Variants in TDRP observed in about 807,000 individuals in gnomAD.
TDRP encodes testis development-related protein.
Under a neutral mutation model 10.5 loss-of-function variants are expected in TDRP, and 12 were observed. That is an observed-to-expected ratio of 1.15 (90% CI 0.73 to 1.86). The LOEUF is 1.86. Ranked by LOEUF, TDRP falls within the 40% of genes most tolerant of loss-of-function variation. TDRP has a pLI of 0.00. For missense variants in TDRP, 353 were observed against 229.2 expected (o/e 1.54, Z -3.49); for synonymous variants, 139 against 95.4 (o/e 1.46, Z -2.67).
At chr8:498,221 A>T (rs1337118747) in intron 1 of TDRP, among the ~76,000 whole-genome samples, 1 of 152,174 alleles carries the variant, frequency 6.6e-6, no homozygotes, top group African/African-American at 2.4e-5. Context: ...AAAAAGCCAC[A>T]GGCACTCAAT....
At chr8:510,439 T>C (rs1478089444) in intron 1 of TDRP, among the ~76,000 whole-genome samples, 1 of 152,222 alleles carries the variant, frequency 6.6e-6, no homozygotes, top group Non-Finnish European at 1.5e-5. Context: ...ATGTAATCTT[T>C]ATTATACCAA....
chr8:529,031 G>C (rs1485908341), intron 1 of TDRP, among the ~76,000 whole-genome samples: 5 of 152,106 alleles, frequency 3.3e-5, no homozygotes, highest in Admixed American at 2.0e-4. Flanking sequence ...ATATAGGCTG[G>C]GAGGCTAGGC....
In TDRP at chr8:494,486, T is replaced by C. The variant is rs1244304339; in HGVS notation, c.212+8A>G. On this transcript the variant is annotated splice_region_variant and intron_variant, in intron 2 of 2. Transcript: ENST00000324079. ...AAATGATCATTTTCTTACACAGTTA[T>C]GACTTACCCTTTGGACTTGGGAGAT... is the stretch of plus-strand genomic sequence containing the variant. The C allele has an allele frequency of 1.9e-6, 3 of 1,612,612 alleles. No individual in the cohort carries two copies. Among genetic ancestry groups the C allele is most frequent in the Non-Finnish European group, 2.5e-6 (3 of 1,178,696 alleles).
At chr8:527,742 C>T (rs1802071119) in intron 1 of TDRP, among the ~76,000 whole-genome samples, 2 of 152,084 alleles carry the variant, frequency 1.3e-5, no homozygotes, top group African/African-American at 4.8e-5. Context: ...TCTCACCATA[C>T]ACACACACAA....
chr8:524,654 A>C lies in TDRP; in HGVS notation c.108+19996T>G, dbSNP rs1421018101. On this transcript the variant is annotated intron_variant, in intron 1 of 2. Transcript: ENST00000324079. ...AATTCTGAAAAATTTACAAGCTAAAAAATTAAACTGACATATGAAGAATGC... is the reference window on the plus strand; with the variant it reads ...AATTCTGAAAAATTTACAAGCTAAACAATTAAACTGACATATGAAGAATGC... Among the ~76,000 whole-genome samples, 3 of 152,156 alleles carry C rather than the reference A, an allele frequency of 2.0e-5. No homozygotes were observed. In the East Asian group the frequency reaches 5.8e-4, roughly 29 times the overall value.
intron 1 of TDRP, among the ~76,000 whole-genome samples, chr8:505,527 G>C (rs780686339): frequency 5.9e-5 from 9 of 152,218 alleles, no homozygotes; most frequent in Non-Finnish European, 1.3e-4. Context: ...AAGGTTGCTA[G>C]AAATACCTCA....
intron 1 of TDRP, among the ~76,000 whole-genome samples, chr8:542,990 T>A (rs1934500514): frequency 1.3e-5 from 2 of 151,298 alleles, no homozygotes; most frequent in South Asian, 2.1e-4. Context: ...CTTCTACTTT[T>A]CCGCATGTTA....
Position 491,802 on chromosome 8 carries a change from C to A in TDRP, c.*597G>T, listed in dbSNP as rs917698598. The A allele has an allele frequency of 4.0e-6, 5 of 1,256,708 alleles. No individual in the cohort carries two copies. In the South Asian group the frequency reaches 9.7e-5, roughly 24 times the overall value. The allele number at this position is 1,256,708 out of a possible 1,614,324, so 77.8% of individuals were successfully genotyped here. A position where few individuals can be genotyped will look rare whatever the true frequency, so the allele number is the denominator to read the frequency against. ...AGTGGACATACAAGAAGCTATTCCT[C>A]CCTCAGCAAAAGATGAACATGCATT... On this transcript the variant is annotated 3_prime_UTR_variant, in exon 3 of 3. Transcript: ENST00000324079.
At chr8:519,994 C>G (rs372920472) in intron 1 of TDRP, among the ~76,000 whole-genome samples, 6 of 152,074 alleles carry the variant, frequency 3.9e-5, no homozygotes, top group African/African-American at 1.4e-4. Flanking sequence ...GCGTGTAAGG[C>G]ACAGAATGGG....
chr8:494,368 G>T (rs887982074), intron 2 of TDRP, 126 bp downstream of exon 2: 21 of 805,818 alleles, frequency 2.6e-5, no homozygotes, highest in Non-Finnish European at 3.8e-5. Flanking sequence ...AGGGAAACAT[G>T]GACTCGCCGC....
intron 1 of TDRP, 112 bp downstream of exon 1, chr8:544,538 C>G: frequency 1.4e-6 from 1 of 718,484 alleles, no homozygotes; most frequent in Non-Finnish European, 1.9e-6. Context: ...CTCACCTGCC[C>G]GCCCAAACTG....
At chr8:492,850 G>A in intron 2 of TDRP, 106 bp from the exon 3 acceptor site, 1 of 865,712 alleles carries the variant, frequency 1.2e-6, no homozygotes, top group Non-Finnish European at 1.7e-6. Flanking sequence ...AAATTGTTTA[G>A]AAAACTAACA....
At chr8:521,004 C>T (rs952756798) in intron 1 of TDRP, among the ~76,000 whole-genome samples, 3 of 152,098 alleles carry the variant, frequency 2.0e-5, no homozygotes, top group African/African-American at 7.2e-5. Flanking sequence ...AAATCATTGC[C>T]AAATCCAATG....
chr8:536,352 A>T (rs966737953), intron 1 of TDRP, among the ~76,000 whole-genome samples: 1 of 152,236 alleles, frequency 6.6e-6, no homozygotes, highest in Non-Finnish European at 1.5e-5. Context: ...GTTGGCATTC[A>T]CTAAAAACAC....
chr8:539,664 C>A (rs940771429), intron 1 of TDRP, among the ~76,000 whole-genome samples: 2 of 152,194 alleles, frequency 1.3e-5, no homozygotes, highest in East Asian at 3.9e-4. Flanking sequence ...GTTAGCTATA[C>A]AAGCAGGGAG....
At chr8:533,672 C>A (rs145333612) in intron 1 of TDRP, among the ~76,000 whole-genome samples, 1 of 152,266 alleles carries the variant, frequency 6.6e-6, no homozygotes, top group East Asian at 1.9e-4. Flanking sequence ...AGAAATGAAG[C>A]CTCCACTCCT....
intron 1 of TDRP, among the ~76,000 whole-genome samples, chr8:495,765 A>G (rs1011996024): frequency 2.0e-5 from 3 of 152,256 alleles, no homozygotes; most frequent in African/African-American, 7.2e-5. Flanking sequence ...AGGATAATGA[A>G]TACAATTCAA....
Position 492,625 on chromosome 8 carries a change from G to A in TDRP, c.332C>T (p.Pro111Leu), listed in dbSNP as rs1241890905. 6.2e-7 allele frequency: 1 copy of A among 1,613,988 alleles called. No homozygotes were observed. The highest frequency in any genetic ancestry group is 1.1e-5 in the South Asian group (1 of 91,080). Reference sequence around the variant, plus strand: ...TATGTCTTCAAGAGCAAGTTTTGGAGGCTCCCAACCTTCAATTTCATCTGG... The same window carrying A: ...TATGTCTTCAAGAGCAAGTTTTGGAAGCTCCCAACCTTCAATTTCATCTGG... ...KKPDEIEGWEPPKLALEDISA... is the reference protein window; with the variant it reads ...KKPDEIEGWELPKLALEDISA... Residue 111 changes from proline (P) to leucine (L), a missense_variant, in exon 3 of 3, where the codon CCT becomes CTT. By Grantham distance (98) the Pro-to-Leu change is moderately conservative (BLOSUM62 -3). Coordinates refer to ENST00000324079, the MANE Select transcript of TDRP (RefSeq NM_001384899.1).
chr8:534,618 C>T (rs1802297758), intron 1 of TDRP, among the ~76,000 whole-genome samples: 1 of 152,098 alleles, frequency 6.6e-6, no homozygotes, highest in African/African-American at 2.4e-5. Context: ...CAAGCACAAA[C>T]ATGTAAAAAA....
Sources: gnomAD v4.1 joint callset for allele counts (sites outside exome capture counted in the v4.1 genomes callset) on GRCh38, gnomAD v4.1.1 for gene constraint, MANE v1.5 for transcripts, NCBI Gene and HGNC (gene_info 2026-07-23, HGNC 2026-07-21) for gene names.